Variants in SLFN14 observed in about 807,000 individuals in gnomAD.
The protein encoded by SLFN14 is schlafen family member 14, also known as protein SLFN14.
SLFN14 carries 47 observed loss-of-function variants against 58.6 expected under a neutral mutation model. That is an observed-to-expected ratio of 0.80 (90% CI 0.64 to 1.02). The LOEUF (loss-of-function observed/expected upper bound fraction) is 1.02, where lower values mean the gene tolerates loss of function less well. SLFN14 is among the 50% of genes least tolerant of loss of function. SLFN14 has a pLI of 0.00. For synonymous variants in SLFN14, 390 were observed against 387.3 expected, an observed-to-expected ratio of 1.01 and a Z score of -0.08; for missense variants, 967 against 1,078.4, an observed-to-expected ratio of 0.90 and a Z score of 1.45.
At chr17:35,553,481 A>G (rs570795321) in intron 4 of SLFN14, 37 bp from the exon 5 acceptor site, 128 of 1,421,932 alleles carry the variant, frequency 9.0e-5, no homozygotes, top group Admixed American at 4.2e-4. Context: ...CAAAACTTAC[A>G]AAAGCATGTG....
rs1442842183 is a variant in SLFN14 at position 35,557,574 on chromosome 17, C to A, written c.489G>T (p.Arg163Ser). ...KGFRAQRGRP[R>S]VKKLHPQQVL... ...CCTGCTGAGGATGCAACTTCTTCAC[C>A]CTTGGTCTTCCTCTTTGGGCTCTAA... Residue 163 changes from arginine (R) to serine (S), a missense_variant, in exon 3 of 6, where the codon AGG (arginine) becomes AGT (serine). Coordinates refer to ENST00000674182, the MANE Select transcript of SLFN14 (RefSeq NM_001129820.2). 17 of 1,551,594 alleles carry A rather than the reference C, an allele frequency of 1.1e-5. No homozygotes were observed. Among genetic ancestry groups the A allele is most frequent in the Non-Finnish European group, 1.5e-5 (17 of 1,146,982 alleles).
Position 35,558,141 on chromosome 17 carries a change from A to G in SLFN14, c.-44-35T>C, listed in dbSNP as rs759525293. ...GGACAGAAATATTGTTTCTATATTA[A>G]TAAGAATTCCAAAGATTACAATATT... On this transcript the variant is annotated intron_variant, in intron 2 of 5. Transcript: ENST00000674182. 44 of 1,228,182 alleles carry G rather than the reference A, an allele frequency of 3.6e-5. 1 individual carries two copies. In the Middle Eastern group the frequency reaches 5.9e-4, roughly 16 times the overall value. 76.1% of individuals were successfully genotyped at this position (1,228,182 alleles called of 1,614,324 possible). A position where few individuals can be genotyped will look rare whatever the true frequency, so the allele number is the denominator to read the frequency against.
intron 3 of SLFN14, among the ~76,000 whole-genome samples, chr17:35,555,287 G>A (rs1446431892): frequency 6.6e-6 from 1 of 152,074 alleles, no homozygotes; most frequent in African/African-American, 2.4e-5. Context: ...CAGGAGAATG[G>A]GGTGAACCCA....
intron 3 of SLFN14, among the ~76,000 whole-genome samples, chr17:35,555,242 G>A (rs1567714881): frequency 6.6e-6 from 1 of 151,996 alleles, no homozygotes. Context: ...CATGGTGGCC[G>A]GCGCCTGTAG....
Position 35,554,582 on chromosome 17 carries a change from A to G in SLFN14, c.1183T>C (p.Phe395Leu), listed in dbSNP as rs1214595485. 1.3e-6 allele frequency: 2 copies of G among 1,528,190 alleles called. No individual in the cohort carries two copies. The highest frequency in any genetic ancestry group is 2.1e-5 in the Admixed American group (1 of 46,674). 94.7% of individuals were successfully genotyped at this position (1,528,190 alleles called of 1,614,324 possible). A position where few individuals can be genotyped will look rare whatever the true frequency, so the allele number is the denominator to read the frequency against. ...KFKEALQRHL[F>L]PVTQEEVQFK... ...TGAAATCAAGAGGGAATACCTGGAA[A>G]CAAATGTCGTTGCAGAGCCTCCTTA... Residue 395 changes from phenylalanine to leucine, a missense_variant, in exon 4 of 6, where the codon TTT becomes CTT. Physicochemically the swap from Phe to Leu is conservative, Grantham distance 22 (BLOSUM62 0). Transcript: ENST00000674182.
Position 35,548,228 on chromosome 17 carries a change from T to C in SLFN14, c.*11A>G, listed in dbSNP as rs1381029028. On this transcript the variant is annotated 3_prime_UTR_variant, in exon 6 of 6. Transcript: ENST00000674182. The stretch of plus-strand genomic sequence containing the variant: ...GCTCTTCCTGTCTTCCTCTATTATT[T>C]GTAATAATTTTCAGTAGGCTGCCCT... The C allele has an allele frequency of 6.5e-7, 1 of 1,548,224 alleles. No homozygotes were observed. The highest frequency in any genetic ancestry group is 8.7e-7 in the Non-Finnish European group (1 of 1,144,838).
Position 35,559,782 on chromosome 17 carries a change from T to A in SLFN14, c.-100A>T, listed in dbSNP as rs2072684363. ...CATGTGCACTCCCCTGATATCAATT[T>A]GTTCTTGGTTGCCTTCTCACTTCCT... is the stretch of plus-strand genomic sequence containing the variant. On this transcript the variant is annotated 5_prime_UTR_variant, in exon 2 of 6. Coordinates refer to ENST00000674182, the MANE Select transcript of SLFN14 (RefSeq NM_001129820.2). Among the ~76,000 whole-genome samples, 2 of 152,210 alleles carry A rather than the reference T, an allele frequency of 1.3e-5. No homozygotes were observed. The highest frequency in any genetic ancestry group is 1.3e-4 in the Admixed American group (2 of 15,272).
chr17:35,554,928 C>T (rs555356543), intron 3 of SLFN14, among the ~76,000 whole-genome samples: 2 of 152,156 alleles, frequency 1.3e-5, no homozygotes, highest in South Asian at 2.1e-4. Context: ...CTGTGTGACT[C>T]GGCTTGAGCA....
At chr17:35,559,155 G>A (rs1455310552) in intron 2 of SLFN14, among the ~76,000 whole-genome samples, 2 of 152,110 alleles carry the variant, frequency 1.3e-5, no homozygotes, top group Non-Finnish European at 2.9e-5. Context: ...GAGCCCAGGA[G>A]TTTGAGGCTG....
At chr17:35,556,439 A>G (rs1597910199) in intron 3 of SLFN14, among the ~76,000 whole-genome samples, 2 of 152,208 alleles carry the variant, frequency 1.3e-5, no homozygotes, top group East Asian at 3.9e-4. Flanking sequence ...AGACAATAAA[A>G]GGAGACCTTT....
chr17:35,559,181 G>GCAC (rs1290144889), intron 2 of SLFN14, among the ~76,000 whole-genome samples: 1 of 151,928 alleles, frequency 6.6e-6, no homozygotes, highest in Non-Finnish European at 1.5e-5. Context: ...AACCATGATC[G>GCAC]CACCACTGCA....
chr17:35,555,241 C>T (rs564034834), intron 3 of SLFN14, among the ~76,000 whole-genome samples: 10 of 152,004 alleles, frequency 6.6e-5, no homozygotes, highest in African/African-American at 2.4e-4. Flanking sequence ...GCATGGTGGC[C>T]GGCGCCTGTA....
At position 35,548,153 on chromosome 17, in the gene SLFN14, T is replaced by G; in HGVS notation, c.*86A>C. ...TACTGATGTGCCTTGATTTCCTCAC[T>G]TGTAATATTAAAATGGAGTCACTGC... On this transcript the variant is annotated 3_prime_UTR_variant, in exon 6 of 6. Transcript: ENST00000674182. 6 of 1,291,080 alleles carry G rather than the reference T, an allele frequency of 4.6e-6. No individual in the cohort carries two copies. The highest frequency in any genetic ancestry group is 6.3e-6 in the Non-Finnish European group (6 of 951,140). 80.0% of individuals were successfully genotyped at this position (1,291,080 alleles called of 1,614,324 possible).
rs541132843 is a variant in SLFN14 at position 35,549,084 on chromosome 17, G to T, written c.1905-11C>A. ...CAGGTGGTTTGTTGGCTGTAAGGACGGAAAAAACAGGGCTTGAGGCATATC... is the reference window on the plus strand; with the variant it reads ...CAGGTGGTTTGTTGGCTGTAAGGACTGAAAAAACAGGGCTTGAGGCATATC... On this transcript the variant is annotated splice_polypyrimidine_tract_variant and intron_variant, in intron 5 of 5. Transcript: ENST00000674182. 6.5e-7 allele frequency: 1 copy of T among 1,543,836 alleles called. No homozygotes were observed. Among genetic ancestry groups the T allele is most frequent in the Admixed American group, 2.0e-5 (1 of 50,308 alleles).
Position 35,557,569 on chromosome 17 carries a change from T to G in SLFN14, c.494A>C (p.Lys165Thr), listed in dbSNP as rs1272804592. ...GAGAACCTGCTGAGGATGCAACTTCTTCACCCTTGGTCTTCCTCTTTGGGC... is the reference window on the plus strand; with the variant it reads ...GAGAACCTGCTGAGGATGCAACTTCGTCACCCTTGGTCTTCCTCTTTGGGC... The part of the protein sequence containing the change: ...FRAQRGRPRV[K>T]KLHPQQVLNR... The change falls in exon 3 of 6, where the codon AAG (lysine) becomes ACG (threonine). Residue 165 changes from lysine (K) to threonine (T), a missense_variant. Coordinates refer to ENST00000674182, the MANE Select transcript of SLFN14 (RefSeq NM_001129820.2). The G allele has an allele frequency of 3.9e-6, 6 of 1,551,690 alleles. No individual in the cohort carries two copies. Among genetic ancestry groups the G allele is most frequent in the Non-Finnish European group, 5.2e-6 (6 of 1,146,990 alleles).
In SLFN14 at chr17:35,557,301, C is replaced by T; in HGVS notation, c.762G>A (p.Val254=). 2 of 1,551,714 alleles carry T rather than the reference C, an allele frequency of 1.3e-6. No homozygotes were observed. The highest frequency in any genetic ancestry group is 8.7e-7 in the Non-Finnish European group (1 of 1,146,998). Residue 254 remains valine, a synonymous_variant, in exon 3 of 6, where the codon GTG becomes GTA. Transcript: ENST00000674182. ...TCACTTTTTCCCACTTACATCCAAC[C>T]ACTTCTTTGCTCTTATCATCCACCC... ...LIGVDDKSKE[V]VGCKWEKVNP... is the part of the protein sequence containing the mutation.
Position 35,548,660 on chromosome 17 carries a change from G to A in SLFN14, c.2318C>T (p.Ala773Val), listed in dbSNP as rs371813679. ...ALFSETAYEEATCAQALPGVC... is the reference protein window; with the variant it reads ...ALFSETAYEEVTCAQALPGVC... ...CCCAGGCAGAGCCTGGGCACACGTTGCTTCCTCATAGGCAGTCTCGCTGAA... is the reference window on the plus strand; with the variant it reads ...CCCAGGCAGAGCCTGGGCACACGTTACTTCCTCATAGGCAGTCTCGCTGAA... Residue 773 changes from alanine (A) to valine (V), a missense_variant, in exon 6 of 6, where the codon GCA becomes GTA. Transcript: ENST00000674182. 10 of 1,551,646 alleles carry A rather than the reference G, an allele frequency of 6.4e-6. No homozygotes were observed. In the African/African-American group the frequency reaches 1.4e-4, roughly 21 times the overall value.
In SLFN14 at chr17:35,557,809, TGAAAA is replaced by T; in HGVS notation, c.249_253del (p.Phe84LysfsTer12). 1 of 1,551,736 alleles carries T rather than the reference TGAAAA, an allele frequency of 6.4e-7. No homozygotes were observed. Among genetic ancestry groups the T allele is most frequent in the South Asian group, 1.2e-5 (1 of 84,060 alleles). On this transcript the variant is annotated frameshift_variant, in exon 3 of 6. Transcript: ENST00000674182. LOFTEE classifies it high-confidence loss of function. ...CTGTGAACCTGAAGGAAGGAGCTTT[TGAAAA>T]GAAGTTTCCAAATCCTGTCCCAGCC...
Position 35,547,873 on chromosome 17 carries a change from A to G in SLFN14, c.*366T>C, listed in dbSNP as rs2072546322. On this transcript the variant is annotated 3_prime_UTR_variant, in exon 6 of 6. Coordinates refer to ENST00000674182, the MANE Select transcript of SLFN14 (RefSeq NM_001129820.2). ...AGGGCATATTAATGAAAGCCTTGAA[A>G]ATTGGTTAGGTTTGAAGGCTGTGGG... is the stretch of plus-strand genomic sequence containing the variant. Among the ~76,000 whole-genome samples, 1 of 152,192 alleles carries G rather than the reference A, an allele frequency of 6.6e-6. No individual in the cohort carries two copies. Among genetic ancestry groups the G allele is most frequent in the Non-Finnish European group, 1.5e-5 (1 of 68,030 alleles).
Sources: allele counts gnomAD v4.1 joint callset (sites outside exome capture counted in the v4.1 genomes callset), GRCh38; gene constraint gnomAD v4.1.1; transcripts MANE v1.5; gene names NCBI Gene and HGNC (gene_info 2026-07-23, HGNC 2026-07-21).